Variants in VAX1 observed in about 807,000 individuals in gnomAD.
VAX1 encodes ventral anterior homeobox 1.
In VAX1, 6 loss-of-function variants were observed where a neutral mutation model predicts 17.6. The ratio of observed to expected loss-of-function variants is 0.34; its 90% CI spans 0.19 to 0.67. The LOEUF is 0.67. Ranked by LOEUF, VAX1 falls within the 30% of genes least tolerant of loss-of-function variation. The pLI, the probability that VAX1 is intolerant of heterozygous loss-of-function variation, is 0.69. For missense variants in VAX1, 408 were observed against 463.7 expected (o/e 0.88, Z 1.10); for synonymous variants, 256 against 227.4 (o/e 1.13, Z -1.13).
downstream of VAX1, chr10:117,132,560 G>GT: frequency 6.7e-7 from 1 of 1,493,624 alleles, no homozygotes. The surrounding 1 kb of genome is among the most constrained non-coding windows in gnomAD (Gnocchi z 4.9). Flanking sequence ...TTAAAAAAGT[G>GT]TTTTTCGCTT....
chr10:117,133,223 T>C (rs1399695440), downstream of VAX1: 1 of 957,112 alleles, frequency 1.0e-6, no homozygotes, highest in African/African-American at 1.8e-5. Flanking sequence ...GCATTCTGTA[T>C]CCTGAATTTT....
intron 2 of VAX1, among the ~76,000 whole-genome samples, chr10:117,135,419 C>T (rs1854159751): frequency 6.6e-6 from 1 of 152,206 alleles, no homozygotes; most frequent in Non-Finnish European, 1.5e-5. Flanking sequence ...TGCCCCTCTG[C>T]AGGCCTAGCA....
In VAX1 at chr10:117,138,130, A is replaced by AG. The variant is rs1302995219; in HGVS notation, c.-75_-74insC. On this transcript the variant is annotated 5_prime_UTR_variant, in exon 1 of 3. Coordinates refer to ENST00000369206, the MANE Select transcript of VAX1 (RefSeq NM_001112704.2). ...AAAAAAGGGGGGGGGGCGGAGAAGGAAAAAAAAAAGAGGAAAAAGGGGACA... is the reference window on the plus strand; with the variant it reads ...AAAAAAGGGGGGGGGGCGGAGAAGGAGAAAAAAAAAGAGGAAAAAGGGGACA... 1.1e-6 allele frequency: 1 copy of AG among 928,960 alleles called. No homozygotes were observed. Among genetic ancestry groups the AG allele is most frequent in the Non-Finnish European group, 1.5e-6 (1 of 678,562 alleles). 57.5% of individuals were successfully genotyped at this position (928,960 alleles called of 1,614,324 possible). A position where few individuals can be genotyped will look rare whatever the true frequency, so the allele number is the denominator to read the frequency against.
At chr10:117,135,281 T>C (rs1854157954) in intron 2 of VAX1, among the ~76,000 whole-genome samples, 1 of 152,230 alleles carries the variant, frequency 6.6e-6, no homozygotes, top group Non-Finnish European at 1.5e-5. Context: ...GATAGCTGCA[T>C]TGAAGGGTCT....
rs918900714 is a variant in VAX1, at chr10:117,134,898, T to TG, written c.430-316dup. Among the ~76,000 whole-genome samples, 44 of 152,298 alleles carry TG rather than the reference T, an allele frequency of 2.9e-4. No homozygotes were observed. Among genetic ancestry groups the TG allele is most frequent in the African/African-American group, 8.4e-4 (35 of 41,574 alleles). ...GAAGGAAGACCGGAAAGGGTTTCAC[T>TG]GGCTTCCGCGCTACCCCGCAGCGGT... On this transcript the variant is annotated intron_variant, in intron 2 of 2. Coordinates refer to ENST00000369206, the MANE Select transcript of VAX1 (RefSeq NM_001112704.2). This position sits in a 1 kb window ranked among gnomAD's most constrained non-coding sequence, Gnocchi z 6.2.
downstream of VAX1, chr10:117,132,598 C>A: frequency 8.7e-7 from 1 of 1,148,874 alleles, no homozygotes; most frequent in Non-Finnish European, 1.2e-6. The surrounding 1 kb of genome is among the most constrained non-coding windows in gnomAD (Gnocchi z 4.9). Flanking sequence ...ACATTCTAGA[C>A]ACTGCGGCAC....
rs112330391 is a variant in VAX1, at chr10:117,133,944, G to T, written c.*64C>A. ...CGCAGGAGCTCTGGGCACCTAATGC[G>T]CGTGAGTCCATAAATATCACCACAA... is the stretch of plus-strand genomic sequence containing the variant. On this transcript the variant is annotated 3_prime_UTR_variant, in exon 3 of 3. Coordinates refer to ENST00000369206, the MANE Select transcript of VAX1 (RefSeq NM_001112704.2). 5,248 of 1,451,298 alleles carry T rather than the reference G, an allele frequency of 3.6e-3. 29 individuals are homozygous for T. Among genetic ancestry groups the T allele is most frequent in the Non-Finnish European group, 3.6e-3 (3,948 of 1,109,892 alleles). 89.9% of individuals were successfully genotyped at this position (1,451,298 alleles called of 1,614,324 possible).
At position 117,136,332 on chromosome 10, in the gene VAX1, G is replaced by C. The variant is rs977031604; in HGVS notation, c.429+140C>G. On this transcript the variant is annotated intron_variant, in intron 2 of 2. Coordinates refer to ENST00000369206, the MANE Select transcript of VAX1 (RefSeq NM_001112704.2). The surrounding 1 kb of genome is among the most constrained non-coding windows in gnomAD (Gnocchi z 5.0). ...TCTAGGGGAAGGAATCCTTAGGCCTGTCTTACCCATCCTTCCCATCTCCTC... is the reference window on the plus strand; with the variant it reads ...TCTAGGGGAAGGAATCCTTAGGCCTCTCTTACCCATCCTTCCCATCTCCTC... 3.0e-6 allele frequency: 3 copies of C among 1,006,576 alleles called. No individual in the cohort carries two copies. In the African/African-American group the frequency reaches 4.9e-5, roughly 16 times the overall value. 62.4% of individuals were successfully genotyped at this position (1,006,576 alleles called of 1,614,324 possible). A position where few individuals can be genotyped will look rare whatever the true frequency, so the allele number is the denominator to read the frequency against.
In VAX1 at chr10:117,133,860, T is replaced by C; in HGVS notation, c.*148A>G. The C allele has an allele frequency of 3.0e-6, 4 of 1,349,606 alleles. No individual in the cohort carries two copies. Among genetic ancestry groups the C allele is most frequent in the Non-Finnish European group, 3.8e-6 (4 of 1,057,524 alleles). The allele number at this position is 1,349,606 out of a possible 1,614,324, so 83.6% of individuals were successfully genotyped here. On this transcript the variant is annotated 3_prime_UTR_variant, in exon 3 of 3. Transcript: ENST00000369206. ...AATAGCCCGAATGAGATGAAATTGG[T>C]AGCAGAGTCTAGTGGGAAAGGAGAG... is the stretch of plus-strand genomic sequence containing the variant.
At chr10:117,135,615 C>T (rs1221443181) in intron 2 of VAX1, among the ~76,000 whole-genome samples, 1 of 152,248 alleles carries the variant, frequency 6.6e-6, no homozygotes, top group Non-Finnish European at 1.5e-5. Flanking sequence ...ATGCTCTCCA[C>T]CTGCTTCAGG....
rs899600011 is a variant in VAX1, at chr10:117,137,064, A to T, written c.242-405T>A. On this transcript the variant is annotated intron_variant, in intron 1 of 2. Coordinates refer to ENST00000369206, the MANE Select transcript of VAX1 (RefSeq NM_001112704.2). The surrounding 1 kb of genome is among the most constrained non-coding windows in gnomAD (Gnocchi z 7.4). Reference sequence around the variant, plus strand: ...GCTTGCCGACCAGACCGTGATCCAGACGTCCCCACCCCCACCCTCGAGTCT... The same window carrying T: ...GCTTGCCGACCAGACCGTGATCCAGTCGTCCCCACCCCCACCCTCGAGTCT... Among the ~76,000 whole-genome samples the T allele has an allele frequency of 1.3e-5, 2 of 151,300 alleles. No homozygotes were observed. Among genetic ancestry groups the T allele is most frequent in the Non-Finnish European group, 3.0e-5 (2 of 67,794 alleles).
rs1854185462 is a variant in VAX1, at chr10:117,136,682, C to T, written c.242-23G>A. 1 of 1,595,148 alleles carries T rather than the reference C, an allele frequency of 6.3e-7. No homozygotes were observed. Among genetic ancestry groups the T allele is most frequent in the Non-Finnish European group, 8.6e-7 (1 of 1,166,190 alleles). ...CATCTGGGGAAGGGGAGATGTCAGC[C>T]GCCAGAACCCTCCCGTCCCCCTCCA... On this transcript the variant is annotated intron_variant, in intron 1 of 2. Coordinates refer to ENST00000369206, the MANE Select transcript of VAX1 (RefSeq NM_001112704.2). The surrounding 1 kb of genome is among the most constrained non-coding windows in gnomAD (Gnocchi z 5.0).
rs1330231451 is a variant in VAX1 at position 117,137,025 on chromosome 10, G to T, written c.242-366C>A. 1.3e-5 allele frequency among the ~76,000 whole-genome samples: 2 copies of T among 152,120 alleles called. No individual in the cohort carries two copies. The highest frequency in any genetic ancestry group is 4.8e-5 in the African/African-American group (2 of 41,446). The stretch of plus-strand genomic sequence containing the variant: ...CTTGTCGCCCCGCCCGGGTCCTGCG[G>T]GCCCCAGCTCTGGGCTTGCCGACCA... On this transcript the variant is annotated intron_variant, in intron 1 of 2. Transcript: ENST00000369206. The surrounding 1 kb of genome is among the most constrained non-coding windows in gnomAD (Gnocchi z 7.4).
rs1164914533 is a variant in VAX1 at position 117,137,842 on chromosome 10, T to G, written c.215A>C (p.Asp72Ala). 1 of 1,612,794 alleles carries G rather than the reference T, an allele frequency of 6.2e-7. No individual in the cohort carries two copies. Among genetic ancestry groups the G allele is most frequent in the Admixed American group, 1.7e-5 (1 of 60,030 alleles). The change falls in exon 1 of 3, where the codon GAT (aspartate) becomes GCT (alanine). Residue 72 changes from aspartate to alanine, a missense_variant. Coordinates refer to ENST00000369206, the MANE Select transcript of VAX1 (RefSeq NM_001112704.2). This position sits in a 1 kb window ranked among gnomAD's most constrained non-coding sequence, Gnocchi z 7.4. ...TCGGACCAGGATCCGGCGGCAGTAATCCGGGTCCGCTGCGGAATTGGATTT... is the reference window on the plus strand; with the variant it reads ...TCGGACCAGGATCCGGCGGCAGTAAGCCGGGTCCGCTGCGGAATTGGATTT... Reference protein sequence around the residue: ...KSKSNSAADPDYCRRILVRDA... With the variant: ...KSKSNSAADPAYCRRILVRDA...
rs1276844540 is a variant in VAX1, at chr10:117,134,246, G to T, written c.767C>A (p.Ala256Asp). The T allele has an allele frequency of 7.2e-7, 1 of 1,391,734 alleles. No individual in the cohort carries two copies. The highest frequency in any genetic ancestry group is 1.6e-5 in the South Asian group (1 of 60,640). The allele number at this position is 1,391,734 out of a possible 1,614,324, so 86.2% of individuals were successfully genotyped here. Residue 256 changes from alanine to aspartate, a missense_variant, in exon 3 of 3, where the codon GCC becomes GAC. Transcript: ENST00000369206. This position sits in a 1 kb window ranked among gnomAD's most constrained non-coding sequence, Gnocchi z 6.2. ...AVGGAPGPGP[A>D]GPGGLHAGAP... ...GCCTGCGTGCAATCCCCCCGGCCCG[G>T]CGGGCCCGGGACCTGGAGCACCGCC... is the stretch of plus-strand genomic sequence containing the variant.
downstream of VAX1, among the ~76,000 whole-genome samples, chr10:117,133,010 CGGCTGCGCA>C (rs932236363): frequency 1.3e-5 from 2 of 152,218 alleles, no homozygotes; most frequent in Non-Finnish European, 2.9e-5. Flanking sequence ...GGTGAAGCGC[CGGCTGCGCA>C]GGCTACCGCC....
In VAX1 at chr10:117,134,440, G is replaced by A. The variant is rs1422678794; in HGVS notation, c.573C>T (p.Pro191=). The A allele has an allele frequency of 1.3e-6, 2 of 1,507,978 alleles. No individual in the cohort carries two copies. Among genetic ancestry groups the A allele is most frequent in the Admixed American group, 2.1e-5 (1 of 48,644 alleles). The allele number at this position is 1,507,978 out of a possible 1,614,324, so 93.4% of individuals were successfully genotyped here. The change falls in exon 3 of 3, where the codon CCC becomes CCT. Residue 191 remains proline (P), a synonymous_variant. Transcript: ENST00000369206. The surrounding 1 kb of genome is among the most constrained non-coding windows in gnomAD (Gnocchi z 6.2). ...AAGGCGGCAGCAGCGCAGGCAGGCC[G>A]GGCGGCGACAACAGGCGGCCCTGCT... ...LLEQGRLLSP[P]GLPALLPPCA...
At chr10:117,133,289 C>G, downstream of VAX1, 1 of 985,446 alleles carries the variant, frequency 1.0e-6, no homozygotes, top group Non-Finnish European at 1.2e-6. Context: ...TCCACTTCAT[C>G]TGGTTTTACG....
rs1274566874 is a variant in VAX1 at position 117,133,677 on chromosome 10, G to A, written c.*331C>T. 5.7e-6 allele frequency: 6 copies of A among 1,054,254 alleles called. No individual in the cohort carries two copies. Among genetic ancestry groups the A allele is most frequent in the South Asian group, 7.5e-5 (2 of 26,746 alleles). The allele number at this position is 1,054,254 out of a possible 1,614,324, so 65.3% of individuals were successfully genotyped here. On this transcript the variant is annotated 3_prime_UTR_variant, in exon 3 of 3. Coordinates refer to ENST00000369206, the MANE Select transcript of VAX1 (RefSeq NM_001112704.2). The stretch of plus-strand genomic sequence containing the variant: ...TCTAGAGCAAACGTCCTGTGCTTTG[G>A]AGTTAGAACCAGTCTTTTCCCTCCT...
Sources: allele counts gnomAD v4.1 joint callset (sites outside exome capture counted in the v4.1 genomes callset), GRCh38; gene constraint gnomAD v4.1.1; non-coding constraint Gnocchi (gnomAD v3.1); transcripts MANE v1.5; gene names NCBI Gene and HGNC (gene_info 2026-07-23, HGNC 2026-07-21).